The following CNOT10 variants were observed in gnomAD, a reference collection of about 807,000 sequenced individuals.
CNOT10 encodes CCR4-NOT transcription complex, subunit 10.
In CNOT10, 30 loss-of-function variants were observed where a neutral mutation model predicts 94.6. The observed-to-expected ratio is 0.32, with a 90% CI of 0.24 to 0.43. The LOEUF (loss-of-function observed/expected upper bound fraction) is 0.43. CNOT10 is among the 20% of genes least tolerant of loss of function. CNOT10 has a pLI of 1.00. For synonymous variants in CNOT10, 289 were observed against 301.6 expected (o/e 0.96, Z 0.43); for missense variants, 759 against 877.2 (o/e 0.87, Z 1.70).
chr3:32,694,898 T>C (rs1325809363), intron 1 of CNOT10, among the ~76,000 whole-genome samples: 2 of 152,152 alleles, frequency 1.3e-5, no homozygotes, highest in Non-Finnish European at 2.9e-5. Flanking sequence ...CTAACTTTTA[T>C]ATTTTTAGTA....
chr3:32,703,043 C>T (rs1002917019), intron 1 of CNOT10, among the ~76,000 whole-genome samples: 42 of 150,280 alleles, frequency 2.8e-4, no homozygotes, highest in Admixed American at 2.7e-4. Flanking sequence ...TCCCAAGTAG[C>T]TGGGACTACA....
At chr3:32,721,060 CTT>C (rs377750318) in intron 8 of CNOT10, among the ~76,000 whole-genome samples, 3,130 of 97,510 alleles carry the variant, frequency 0.032, 32 homozygotes, top group Middle Eastern at 0.071. Flanking sequence ...TCTTTCCTTT[CTT>C]TTTTTTTTTT....
intron 1 of CNOT10, among the ~76,000 whole-genome samples, chr3:32,685,982 T>G (rs982604507): frequency 2.0e-5 from 3 of 152,134 alleles, no homozygotes; most frequent in Non-Finnish European, 2.9e-5. Context: ...CTCGCTATGG[T>G]GCCCAGGCTG....
intron 12 of CNOT10, among the ~76,000 whole-genome samples, chr3:32,736,588 A>G (rs1401166876): frequency 6.6e-6 from 1 of 152,190 alleles, no homozygotes; most frequent in East Asian, 1.9e-4. Flanking sequence ...TAGCCTGTCC[A>G]ACATAATGAG....
intron 7 of CNOT10, among the ~76,000 whole-genome samples, chr3:32,718,695 G>A (rs1468294599): frequency 1.3e-5 from 2 of 152,018 alleles, no homozygotes; most frequent in African/African-American, 4.8e-5. Context: ...AACTTCAGGA[G>A]GAATAGCTAC....
At chr3:32,724,653 C>G (rs185604167) in intron 8 of CNOT10, among the ~76,000 whole-genome samples, 1 of 152,202 alleles carries the variant, frequency 6.6e-6, no homozygotes, top group African/African-American at 2.4e-5. Flanking sequence ...ACCTCGTGAT[C>G]CGCCCACCTC....
intron 10 of CNOT10, among the ~76,000 whole-genome samples, chr3:32,729,760 CTTTTTTTTTTTT>C (rs10590243): frequency 2.8e-5 from 2 of 71,762 alleles, no homozygotes; most frequent in South Asian, 7.1e-4. Context: ...ATTTATACTT[CTTTTTTTTTTTT>C]TTTTTTTTTT....
At chr3:32,759,613 T>C (rs1195630420) in intron 14 of CNOT10, 42 bp downstream of exon 14, 3 of 1,413,682 alleles carry the variant, frequency 2.1e-6, no homozygotes, top group Non-Finnish European at 3.0e-6. Context: ...TTCTTTAGTT[T>C]TGAGGTTTCT....
chr3:32,726,619 C>T (rs1469328750), intron 9 of CNOT10, among the ~76,000 whole-genome samples: 1 of 151,232 alleles, frequency 6.6e-6, no homozygotes, highest in African/African-American at 2.4e-5. Context: ...TGGCGTGTAC[C>T]CAGGAGGCGG....
intron 15 of CNOT10, among the ~76,000 whole-genome samples, chr3:32,763,705 C>G (rs6550159): frequency 6.6e-6 from 1 of 152,204 alleles, no homozygotes; most frequent in South Asian, 2.1e-4. Context: ...TTACTCAAGA[C>G]TAGTGCTCAG....
intron 10 of CNOT10, chr3:32,730,501 G>GTTTCC (rs1698895557): frequency 6.6e-6 from 1 of 152,024 alleles, no homozygotes; most frequent in Non-Finnish European, 1.5e-5. Context: ...CTTGCCACCA[G>GTTTCC]TAATATCTTT....
At chr3:32,754,489 A>AAAAATATAT (rs77878221) in intron 13 of CNOT10, among the ~76,000 whole-genome samples, 47 of 70,186 alleles carry the variant, frequency 6.7e-4, no homozygotes, top group East Asian at 1.8e-3. Flanking sequence ...AAAAAAAAAA[A>AAAAATATAT]ATACATATAT....
chr3:32,720,855 T>TCCTC (rs1698348366), intron 8 of CNOT10, among the ~76,000 whole-genome samples: 1 of 131,244 alleles, frequency 7.6e-6, no homozygotes, highest in Non-Finnish European at 1.6e-5. Flanking sequence ...CTTCCTCCCT[T>TCCTC]CCTCCCTTCC....
intron 13 of CNOT10, chr3:32,753,009 C>A (rs1421722467): frequency 2.1e-6 from 1 of 479,628 alleles, no homozygotes; most frequent in Non-Finnish European, 4.1e-6. Context: ...ATTAGAGGAG[C>A]TGACTAAGGC....
At chr3:32,735,868 T>C (rs545827411) in intron 12 of CNOT10, among the ~76,000 whole-genome samples, 3 of 152,240 alleles carry the variant, frequency 2.0e-5, no homozygotes, top group Admixed American at 6.6e-5. Context: ...TATGCAAATC[T>C]AGGCAGGGTG....
intron 13 of CNOT10, among the ~76,000 whole-genome samples, chr3:32,740,476 A>G (rs1699412703): frequency 6.6e-6 from 1 of 152,176 alleles, no homozygotes; most frequent in Admixed American, 6.5e-5. Flanking sequence ...TTAGTACAAT[A>G]TCACAGTCAA....
At chr3:32,685,988 G>A (rs535811872) in intron 1 of CNOT10, among the ~76,000 whole-genome samples, 34 of 152,204 alleles carry the variant, frequency 2.2e-4, no homozygotes, top group Non-Finnish European at 3.1e-4. Flanking sequence ...ATGGTGCCCA[G>A]GCTGATCTCG....
chr3:32,725,746 T>G (rs1394204197), intron 9 of CNOT10, 147 bp downstream of exon 9: 1 of 629,602 alleles, frequency 1.6e-6, no homozygotes, highest in Non-Finnish European at 2.6e-6. Flanking sequence ...TGGGGATTTT[T>G]AGTAGATATT....
intron 11 of CNOT10, 109 bp downstream of exon 11, chr3:32,733,653 T>G (rs1480286190): frequency 9.1e-6 from 6 of 657,704 alleles, no homozygotes; most frequent in Non-Finnish European, 1.2e-5. Flanking sequence ...GAGGAACCAC[T>G]TTGTAACTAG....
Sources: allele counts gnomAD v4.1 joint callset (sites outside exome capture counted in the v4.1 genomes callset), GRCh38; gene constraint gnomAD v4.1.1; transcripts MANE v1.5; gene names NCBI Gene and HGNC (gene_info 2026-07-23, HGNC 2026-07-21).